Variants in EPHA3 observed in about 807,000 individuals in gnomAD.
The protein encoded by EPHA3 is EPH receptor A3.
Under a neutral mutation model 107.1 loss-of-function variants are expected in EPHA3, and 42 were observed. The ratio of observed to expected loss-of-function variants is 0.39; its 90% confidence interval spans 0.31 to 0.51. The LOEUF (loss-of-function observed/expected upper bound fraction) is 0.51, where lower values mean the gene tolerates loss of function less well. EPHA3 is among the 20% of genes least tolerant of loss of function. The pLI is 0.78. For missense variants in EPHA3, 1,183 were observed against 1,211.2 expected (o/e 0.98, Z 0.35); for synonymous variants, 461 against 424.8 (o/e 1.09, Z -1.05).
In EPHA3 at chr3:89,142,385, A is replaced by G. The variant is rs1404759067; in HGVS notation, c.153+15112A>G. Among the ~76,000 whole-genome samples the G allele has an allele frequency of 5.9e-5, 9 of 151,570 alleles. No homozygotes were observed. The East Asian group carries it at 1.7e-3, about 29-fold the overall frequency. On this transcript the variant is annotated intron_variant, in intron 2 of 16. Transcript: ENST00000336596. The stretch of plus-strand genomic sequence containing the variant: ...ACTAGATCAGGGGCTGTTCCATAGG[A>G]AGTGGCTGTAAATAAACAGAGCATG...
At chr3:89,242,516 C>T (rs1239771478) in intron 3 of EPHA3, among the ~76,000 whole-genome samples, 1 of 152,166 alleles carries the variant, frequency 6.6e-6, no homozygotes. Flanking sequence ...CGGCTCACTG[C>T]AAGCTCCGCC....
At chr3:89,151,778 A>G (rs1211657250) in intron 2 of EPHA3, among the ~76,000 whole-genome samples, 1 of 152,074 alleles carries the variant, frequency 6.6e-6, no homozygotes, top group Non-Finnish European at 1.5e-5. Flanking sequence ...ACATGAGCAT[A>G]ATAGAAATAA....
intron 3 of EPHA3, among the ~76,000 whole-genome samples, chr3:89,229,451 T>C (rs1384931687): frequency 1.3e-5 from 2 of 151,822 alleles, no homozygotes; most frequent in East Asian, 1.9e-4. Flanking sequence ...AAATAAGTTA[T>C]ATCTATCTTA....
At chr3:89,130,216 G>A (rs984330887) in intron 2 of EPHA3, among the ~76,000 whole-genome samples, 2 of 152,058 alleles carry the variant, frequency 1.3e-5, no homozygotes, top group African/African-American at 4.8e-5. Context: ...CTAAAAAGAA[G>A]AATGACCTGG....
At chr3:89,429,336 G>A (rs1709517192) in intron 12 of EPHA3, among the ~76,000 whole-genome samples, 169 bp downstream of exon 12, 1 of 152,154 alleles carries the variant, frequency 6.6e-6, no homozygotes, top group South Asian at 2.1e-4. Flanking sequence ...TTTTTTTGCA[G>A]CATTCAAATG....
At chr3:89,134,211 C>CT (rs79688748) in intron 2 of EPHA3, among the ~76,000 whole-genome samples, 97 of 145,542 alleles carry the variant, frequency 6.7e-4, no homozygotes, top group Middle Eastern at 3.6e-3. Context: ...TGTCAACTTT[C>CT]TTTTTTTTTT....
chr3:89,380,130 A>G (rs749399816), intron 5 of EPHA3, among the ~76,000 whole-genome samples: 5 of 152,116 alleles, frequency 3.3e-5, no homozygotes, highest in Non-Finnish European at 7.4e-5. Context: ...GCATACGTCT[A>G]TGTTGTCCAC....
chr3:89,368,082 G>T (rs1409184891), intron 5 of EPHA3, among the ~76,000 whole-genome samples: 1 of 150,554 alleles, frequency 6.6e-6, no homozygotes, highest in Non-Finnish European at 1.5e-5. Flanking sequence ...TTAAGTGAGA[G>T]AGCTGTAAGA....
intron 3 of EPHA3, among the ~76,000 whole-genome samples, chr3:89,333,887 A>G (rs941107205): frequency 6.6e-6 from 1 of 152,136 alleles, no homozygotes; most frequent in Admixed American, 6.5e-5. Flanking sequence ...AAAAGAAAAA[A>G]AAAAATAAAA....
chr3:89,158,008 A>G (rs2107062610), intron 2 of EPHA3, among the ~76,000 whole-genome samples: 1 of 152,196 alleles, frequency 6.6e-6, no homozygotes, highest in East Asian at 1.9e-4. Context: ...CTCAGTTGAA[A>G]GAGCCTACCA....
At chr3:89,207,966 A>AGG (rs1706147350) in intron 2 of EPHA3, among the ~76,000 whole-genome samples, 2 of 152,204 alleles carry the variant, frequency 1.3e-5, no homozygotes, top group Non-Finnish European at 2.9e-5. Flanking sequence ...AAATTTACAA[A>AGG]TGAATAGGGG....
At chr3:89,346,241 A>C (rs1310413001) in intron 5 of EPHA3, among the ~76,000 whole-genome samples, 2 of 128,262 alleles carry the variant, frequency 1.6e-5, no homozygotes, top group South Asian at 2.3e-4. Flanking sequence ...CCAACAGTGT[A>C]AAAGTGTTCC....
At chr3:89,222,310 C>T (rs1704395939) in intron 3 of EPHA3, among the ~76,000 whole-genome samples, 1 of 131,020 alleles carries the variant, frequency 7.6e-6, no homozygotes, top group Non-Finnish European at 1.6e-5. Flanking sequence ...TTTTAAAAAG[C>T]TCATAAATAC....
chr3:89,417,937 GT>G (rs1045426453), intron 10 of EPHA3, among the ~76,000 whole-genome samples: 8 of 151,420 alleles, frequency 5.3e-5, no homozygotes, highest in African/African-American at 1.9e-4. Flanking sequence ...CTGGGGATGA[GT>G]CAAGCCTGGG....
At chr3:89,424,724 TAA>T (rs1474401379) in intron 11 of EPHA3, among the ~76,000 whole-genome samples, 2 of 151,412 alleles carry the variant, frequency 1.3e-5, no homozygotes, top group Non-Finnish European at 3.0e-5. Context: ...AACAACATAT[TAA>T]GAGTATTATA....
At chr3:89,148,050 A>G (rs1198893218) in intron 2 of EPHA3, among the ~76,000 whole-genome samples, 1 of 151,938 alleles carries the variant, frequency 6.6e-6, no homozygotes, top group Non-Finnish European at 1.5e-5. Flanking sequence ...GAAGTATACA[A>G]TGTCTAGAAT....
intron 9 of EPHA3, among the ~76,000 whole-genome samples, chr3:89,412,205 T>C (rs1709168397): frequency 6.6e-6 from 1 of 151,722 alleles, no homozygotes; most frequent in Non-Finnish European, 1.5e-5. Flanking sequence ...TCTCCACTGT[T>C]ATTTTTCCAA....
chr3:89,402,694 G>A (rs1417542648), intron 7 of EPHA3, among the ~76,000 whole-genome samples: 2 of 151,776 alleles, frequency 1.3e-5, no homozygotes, highest in African/African-American at 4.8e-5. Flanking sequence ...TTTTATTTAT[G>A]TATTTATTTA....
chr3:89,342,147 T>C, intron 5 of EPHA3, 57 bp downstream of exon 5: 1 of 1,456,322 alleles, frequency 6.9e-7, no homozygotes, highest in Non-Finnish European at 9.2e-7. Flanking sequence ...GTAATGGTTT[T>C]GACTCTGGGT....
Sources: gnomAD v4.1 joint callset for allele counts (sites outside exome capture counted in the v4.1 genomes callset) on GRCh38, gnomAD v4.1.1 for gene constraint, MANE v1.5 for transcripts, NCBI Gene and HGNC (gene_info 2026-07-23, HGNC 2026-07-21) for gene names.